The following MUSK variants were observed in gnomAD, a reference collection of about 807,000 sequenced individuals.
MUSK encodes the protein muscle associated receptor tyrosine kinase, also known as muscle, skeletal receptor tyrosine-protein kinase.
MUSK carries 55 observed loss-of-function variants against 88.7 expected under a neutral mutation model. That is an observed-to-expected ratio of 0.62 (90% CI 0.50 to 0.78). MUSK has a LOEUF of 0.78. MUSK is among the 30% of genes least tolerant of loss of function. MUSK has a pLI of 0.00. For synonymous variants in MUSK, 387 were observed against 391.9 expected, an observed-to-expected ratio of 0.99 and a Z score of 0.15; for missense variants, 1,015 against 1,074.3, an observed-to-expected ratio of 0.94 and a Z score of 0.77.
intron 3 of MUSK, among the ~76,000 whole-genome samples, chr9:110,691,822 GT>G (rs1023178296): frequency 6.6e-6 from 1 of 152,116 alleles, no homozygotes; most frequent in Non-Finnish European, 1.5e-5. Flanking sequence ...TTTTCAGAGT[GT>G]GAAGATGTAA....
chr9:110,747,730 A>C lies in MUSK; in HGVS notation c.843A>C (p.Thr281=), dbSNP rs909453076. ...QLFITKPGLY[T]CIATNKHGEK... ...TTATCACCAAGCCAGGACTCTACACATGCATAGCTACCAATAAGCATGGGG... is the reference window on the plus strand; with the variant it reads ...TTATCACCAAGCCAGGACTCTACACCTGCATAGCTACCAATAAGCATGGGG... The change falls in exon 7 of 15, where the codon ACA becomes ACC. Residue 281 remains threonine, a synonymous_variant. Coordinates refer to ENST00000374448, the MANE Select transcript of MUSK (RefSeq NM_005592.4). The C allele has an allele frequency of 6.2e-7, 1 of 1,613,882 alleles. No homozygotes were observed. The highest frequency in any genetic ancestry group is 1.3e-5 in the African/African-American group (1 of 75,040).
At chr9:110,729,206 G>T (rs539555183) in intron 5 of MUSK, among the ~76,000 whole-genome samples, 23 of 135,082 alleles carry the variant, frequency 1.7e-4, no homozygotes, top group Non-Finnish European at 3.4e-4. Flanking sequence ...TATTTTAATT[G>T]CACAGAGACA....
intron 5 of MUSK, among the ~76,000 whole-genome samples, chr9:110,703,369 T>C (rs2076555678): frequency 6.6e-6 from 1 of 151,914 alleles, no homozygotes; most frequent in South Asian, 2.1e-4. Flanking sequence ...AAACCCTGTC[T>C]CTATACAAAA....
intron 5 of MUSK, among the ~76,000 whole-genome samples, chr9:110,716,773 T>A (rs1235684318): frequency 6.7e-6 from 1 of 150,196 alleles, no homozygotes; most frequent in African/African-American, 2.5e-5. Context: ...TTCTATAAGT[T>A]TAGGCTTTAT....
At chr9:110,699,258 T>C (rs1471906972) in intron 5 of MUSK, among the ~76,000 whole-genome samples, 1 of 152,162 alleles carries the variant, frequency 6.6e-6, no homozygotes, top group Admixed American at 6.6e-5. Flanking sequence ...ATGCTAGAGA[T>C]AGTATTAAAT....
intron 9 of MUSK, among the ~76,000 whole-genome samples, chr9:110,773,996 A>T (rs2077623817): frequency 1.3e-5 from 2 of 152,122 alleles, no homozygotes; most frequent in South Asian, 4.1e-4. Flanking sequence ...AATATGCCCT[A>T]AACATTGTGC....
intron 7 of MUSK, among the ~76,000 whole-genome samples, chr9:110,749,441 C>T (rs2077220127): frequency 1.3e-5 from 2 of 152,074 alleles, no homozygotes; most frequent in African/African-American, 2.4e-5. Flanking sequence ...AATCAGTGGT[C>T]AAGGCTAGAC....
At chr9:110,770,491 TTATAATAA>T (rs1185926982) in intron 9 of MUSK, among the ~76,000 whole-genome samples, 1 of 146,982 alleles carries the variant, frequency 6.8e-6, no homozygotes, top group African/African-American at 2.5e-5. Flanking sequence ...TAATTATAGT[TTATAATAA>T]TATAATTATA....
At position 110,804,593 on chromosome 9, in the gene MUSK, G is replaced by A. The variant is rs1039484113; in HGVS notation, c.*3605G>A. 2.6e-5 allele frequency among the ~76,000 whole-genome samples: 4 copies of A among 151,588 alleles called. No homozygotes were observed. Among genetic ancestry groups the A allele is most frequent in the Non-Finnish European group, 5.9e-5 (4 of 67,840 alleles). On this transcript the variant is annotated 3_prime_UTR_variant, in exon 15 of 15. Coordinates refer to ENST00000374448, the MANE Select transcript of MUSK (RefSeq NM_005592.4). ...TTTCTGCTGTGTTCATTTTCTAATCGAATTATGGGATTTATCTTGTAAAAA... is the reference window on the plus strand; with the variant it reads ...TTTCTGCTGTGTTCATTTTCTAATCAAATTATGGGATTTATCTTGTAAAAA...
intron 1 of MUSK, among the ~76,000 whole-genome samples, chr9:110,669,612 A>G (rs1201674982): frequency 8.5e-5 from 13 of 152,154 alleles, no homozygotes; most frequent in Admixed American, 8.5e-4. Flanking sequence ...ATGTACCGGA[A>G]ATAACACCAC....
intron 2 of MUSK, among the ~76,000 whole-genome samples, chr9:110,686,608 T>C (rs868844318): frequency 3.3e-5 from 5 of 152,290 alleles, no homozygotes; most frequent in Middle Eastern, 3.4e-3. Context: ...TTTTCCTCCC[T>C]TATGTATCCC....
chr9:110,689,426 T>A (rs1316401479), intron 3 of MUSK, among the ~76,000 whole-genome samples: 1 of 107,610 alleles, frequency 9.3e-6, no homozygotes, highest in Non-Finnish European at 1.7e-5. Context: ...ATATAATATA[T>A]GTAAAAAATA....
At chr9:110,685,166 A>G (rs1587894363) in intron 2 of MUSK, among the ~76,000 whole-genome samples, 1 of 152,102 alleles carries the variant, frequency 6.6e-6, no homozygotes, top group East Asian at 1.9e-4. Context: ...TTTTTATCAC[A>G]AAGGGATGCT....
chr9:110,706,183 A>C, intron 5 of MUSK: 1 of 470,812 alleles, frequency 2.1e-6, no homozygotes, highest in South Asian at 1.6e-5. Flanking sequence ...AACAAAAATA[A>C]ATCAACCATA....
At chr9:110,772,053 C>G (rs1181394691) in intron 9 of MUSK, among the ~76,000 whole-genome samples, 6 of 150,710 alleles carry the variant, frequency 4.0e-5, no homozygotes, top group Non-Finnish European at 8.9e-5. Flanking sequence ...GATTGATAGT[C>G]TATGGTTCCT....
intron 5 of MUSK, among the ~76,000 whole-genome samples, chr9:110,726,404 T>C (rs4332201): frequency 0.91 from 137,989 of 152,092 alleles, 63,003 homozygotes; most frequent in African/African-American, 0.97. Flanking sequence ...GGAAAATTAA[T>C]ATTATCTAAA....
chr9:110,784,629 T>C (rs2077820955), intron 11 of MUSK, among the ~76,000 whole-genome samples, 186 bp from the exon 12 acceptor site: 1 of 152,186 alleles, frequency 6.6e-6, no homozygotes, highest in South Asian at 2.1e-4. Context: ...TCTTTAAAAT[T>C]CTATTATTCT....
intron 14 of MUSK, 98 bp downstream of exon 14, chr9:110,787,936 A>G: frequency 7.4e-7 from 1 of 1,355,694 alleles, no homozygotes; most frequent in East Asian, 2.5e-5. Context: ...CTCCTTGATC[A>G]GTGAGACGTT....
chr9:110,680,858 C>T (rs1309238264), intron 1 of MUSK, among the ~76,000 whole-genome samples: 1 of 142,706 alleles, frequency 7.0e-6, no homozygotes, highest in Non-Finnish European at 1.5e-5. Context: ...GTATTAGTGC[C>T]TGTCACTGTA....
Sources: allele counts gnomAD v4.1 joint callset (sites outside exome capture counted in the v4.1 genomes callset), GRCh38; gene constraint gnomAD v4.1.1; transcripts MANE v1.5; gene names NCBI Gene and HGNC (gene_info 2026-07-23, HGNC 2026-07-21).